RELL1: variants seen among roughly 807,000 people sequenced by gnomAD.
RELL1 encodes the protein RELT like 1.
In RELL1, 10 loss-of-function variants were observed where a neutral mutation model predicts 23.0. The ratio of observed to expected loss-of-function variants is 0.43; its 90% CI spans 0.27 to 0.74. The LOEUF (loss-of-function observed/expected upper bound fraction) is 0.74, where lower values mean the gene tolerates loss of function less well. RELL1 is among the 30% of genes least tolerant of loss of function. The pLI, the probability that RELL1 is intolerant of heterozygous loss-of-function variation, is 0.19. For synonymous variants in RELL1, 146 were observed against 146.8 expected, an observed-to-expected ratio of 0.99 and a Z score of 0.04; for missense variants, 315 against 364.4, an observed-to-expected ratio of 0.86 and a Z score of 1.10.
At chr4:37,637,747 T>C (rs1388147932) in intron 4 of RELL1, among the ~76,000 whole-genome samples, 2 of 152,218 alleles carry the variant, frequency 1.3e-5, no homozygotes, top group African/African-American at 4.8e-5. Context: ...TGCTCCTTGT[T>C]GAAGAAATAA....
At chr4:37,635,205 A>C in intron 4 of RELL1, 82 bp from the exon 5 acceptor site, 2 of 1,137,778 alleles carry the variant, frequency 1.8e-6, no homozygotes, top group Non-Finnish European at 2.6e-6. Context: ...TGATGACAGA[A>C]GCAGTTTAAA....
chr4:37,618,687 A>G (rs1206538309), intron 6 of RELL1, among the ~76,000 whole-genome samples: 1 of 152,222 alleles, frequency 6.6e-6, no homozygotes, highest in African/African-American at 2.4e-5. Context: ...TTTGGACATT[A>G]TCTTTGCATT....
chr4:37,654,983 A>C (rs1721073658), intron 1 of RELL1, among the ~76,000 whole-genome samples: 1 of 152,330 alleles, frequency 6.6e-6, no homozygotes, highest in East Asian at 1.9e-4. Flanking sequence ...AACTTTCTAA[A>C]ATTAGTATGT....
intron 1 of RELL1, among the ~76,000 whole-genome samples, chr4:37,678,590 C>T (rs374978221): frequency 1.4e-4 from 21 of 152,186 alleles, no homozygotes; most frequent in African/African-American, 4.8e-4. Context: ...GGAAACCCCT[C>T]AAGTAATGGC....
chr4:37,658,385 A>G (rs769040552), intron 1 of RELL1, among the ~76,000 whole-genome samples: 3 of 152,210 alleles, frequency 2.0e-5, no homozygotes, highest in Non-Finnish European at 4.4e-5. Context: ...CTAGTTTATT[A>G]CAGCACTATC....
At chr4:37,604,872 C>CACACACAG (rs1719135587) in intron 6 of RELL1, among the ~76,000 whole-genome samples, 5 of 107,582 alleles carry the variant, frequency 4.6e-5, no homozygotes, top group Admixed American at 2.6e-4. Context: ...CACAGACACA[C>CACACACAG]ACACACATAC....
chr4:37,629,518 T>C (rs1227437615), intron 6 of RELL1, among the ~76,000 whole-genome samples: 1 of 152,202 alleles, frequency 6.6e-6, no homozygotes, highest in Non-Finnish European at 1.5e-5. Context: ...TTCATCATCC[T>C]CTTCTTAAAT....
intron 1 of RELL1, among the ~76,000 whole-genome samples, chr4:37,655,937 G>C (rs1370783585): frequency 1.3e-5 from 2 of 152,218 alleles, no homozygotes; most frequent in African/African-American, 4.8e-5. Context: ...ATGCTGGATA[G>C]TATTAAGCCT....
At chr4:37,595,717 G>T in intron 6 of RELL1, among the ~76,000 whole-genome samples, 1 of 151,870 alleles carries the variant, frequency 6.6e-6, no homozygotes, top group Non-Finnish European at 1.5e-5. Context: ...GAGGCTTGTG[G>T]TGGTCTGTGG....
At chr4:37,586,673 G>A (rs1189754605), downstream of RELL1, among the ~76,000 whole-genome samples, 1 of 152,242 alleles carries the variant, frequency 6.6e-6, no homozygotes, top group Non-Finnish European at 1.5e-5. Context: ...ACTTTCAGAG[G>A]CCAAGGTGGA....
chr4:37,649,796 G>C (rs1477334335), intron 1 of RELL1, among the ~76,000 whole-genome samples: 1 of 152,174 alleles, frequency 6.6e-6, no homozygotes, highest in Non-Finnish European at 1.5e-5. Context: ...GAAGTGTCCA[G>C]CACAGAGTAA....
At chr4:37,587,009 G>T (rs573778984), downstream of RELL1, among the ~76,000 whole-genome samples, 22 of 152,144 alleles carry the variant, frequency 1.4e-4, no homozygotes, top group African/African-American at 4.3e-4. Context: ...TGATCCAGGG[G>T]TGGGTATCAG....
chr4:37,681,592 G>A (rs1648006), intron 1 of RELL1, among the ~76,000 whole-genome samples: 16 of 130,358 alleles, frequency 1.2e-4, no homozygotes, highest in Admixed American at 1.2e-3. Flanking sequence ...GCAGTGGCAC[G>A]ATCTCAGCTC....
chr4:37,604,868 C>CACACACACACACACACACACACACAG (rs1553871545), intron 6 of RELL1, among the ~76,000 whole-genome samples: 1 of 87,518 alleles, frequency 1.1e-5, no homozygotes, highest in Non-Finnish European at 2.0e-5. Flanking sequence ...CACACACAGA[C>CACACACACACACACACACACACACAG]ACACACACAC....
intron 1 of RELL1, among the ~76,000 whole-genome samples, chr4:37,661,374 G>C (rs965179475): frequency 6.6e-6 from 1 of 152,118 alleles, no homozygotes; most frequent in Non-Finnish European, 1.5e-5. Flanking sequence ...CTGCCTCCCA[G>C]GTTGAAGCAA....
At chr4:37,608,288 G>C (rs187562748), downstream of RELL1, among the ~76,000 whole-genome samples, 1 of 152,106 alleles carries the variant, frequency 6.6e-6, no homozygotes, top group East Asian at 1.9e-4. Flanking sequence ...AATGATTAAG[G>C]CGTGTCAAAA....
intron 6 of RELL1, among the ~76,000 whole-genome samples, chr4:37,624,250 C>G (rs1355101971): frequency 3.3e-5 from 5 of 152,142 alleles, no homozygotes; most frequent in Admixed American, 3.3e-4. Context: ...AAGCAGAACA[C>G]CGGCACAGCA....
chr4:37,587,732 G>T, downstream of RELL1, among the ~76,000 whole-genome samples: 1 of 152,192 alleles, frequency 6.6e-6, no homozygotes, highest in South Asian at 2.1e-4. Flanking sequence ...CCTTTGAGAG[G>T]CCAAGGCAGG....
Position 37,648,334 on chromosome 4 carries a change from T to C in RELL1, c.314-895A>G, listed in dbSNP as rs531538528. Among the ~76,000 whole-genome samples the C allele has an allele frequency of 9.8e-5, 15 of 152,334 alleles. No homozygotes were observed. The South Asian group carries it at 3.1e-3, about 32-fold the overall frequency. ...ATGACTCATCATGCAATCCTGTTCC[T>C]TCTCAGCCTCAAAGGTCAGTGGGGG... On this transcript the variant is annotated intron_variant, in intron 2 of 6. Transcript: ENST00000454158.
Sources: allele counts gnomAD v4.1 joint callset (sites outside exome capture counted in the v4.1 genomes callset), GRCh38; gene constraint gnomAD v4.1.1; transcripts MANE v1.5; gene names NCBI Gene and HGNC (gene_info 2026-07-23, HGNC 2026-07-21).